The following CACNA2D3 variants were observed in gnomAD, a reference collection of about 807,000 sequenced individuals.
The protein encoded by CACNA2D3 is voltage-dependent calcium channel subunit alpha-2/delta-3.
Under a neutral mutation model 160.6 loss-of-function variants are expected in CACNA2D3, and 60 were observed. That is an observed-to-expected ratio of 0.37 (90% CI 0.30 to 0.46). The LOEUF (loss-of-function observed/expected upper bound fraction) is 0.46. CACNA2D3 is among the 20% of genes least tolerant of loss of function. The probability of loss-of-function intolerance (pLI) is 1.00; values close to 1 mark genes in which losing one functional copy is unlikely to be tolerated. For missense variants in CACNA2D3, 1,205 were observed against 1,365.0 expected, an observed-to-expected ratio of 0.88 and a Z score of 1.85; for synonymous variants, 558 against 492.9, an observed-to-expected ratio of 1.13 and a Z score of -1.75.
At chr3:54,404,688 A>G (rs778736437) in intron 4 of CACNA2D3, among the ~76,000 whole-genome samples, 12 of 152,124 alleles carry the variant, frequency 7.9e-5, no homozygotes, top group Non-Finnish European at 1.8e-4. Context: ...AAGAAGTAAA[A>G]TTATCACGAA....
At chr3:54,380,736 A>G (rs1053106382) in intron 3 of CACNA2D3, among the ~76,000 whole-genome samples, 3 of 152,116 alleles carry the variant, frequency 2.0e-5, no homozygotes, top group African/African-American at 7.2e-5. Flanking sequence ...CAAAAAACAA[A>G]AAAACAAAAA....
chr3:54,162,752 A>G (rs1207771086), intron 2 of CACNA2D3, among the ~76,000 whole-genome samples: 2 of 152,238 alleles, frequency 1.3e-5, no homozygotes, highest in Non-Finnish European at 2.9e-5. Context: ...ATCACTCAAC[A>G]GGTATCTATT....
chr3:54,803,461 T>C (rs531698439), intron 13 of CACNA2D3, among the ~76,000 whole-genome samples: 166 of 151,986 alleles, frequency 1.1e-3, no homozygotes, highest in African/African-American at 3.5e-3. Flanking sequence ...AGGGTATCAG[T>C]GATGGAAGAT....
rs149123015 is a variant in CACNA2D3 at position 55,006,696 on chromosome 3, A to ATTG, written c.2767-1073_2767-1071dup. 5.1e-3 allele frequency among the ~76,000 whole-genome samples: 779 copies of ATTG among 151,894 alleles called. 3 individuals are homozygous for ATTG. Among genetic ancestry groups the ATTG allele is most frequent in the African/African-American group, 0.014 (598 of 41,428 alleles). On this transcript the variant is annotated intron_variant, in intron 32 of 37. Transcript: ENST00000474759. Reference sequence around the variant, plus strand: ...TGGGTGGGCTGGGAAGAGCCTCAGCATTGTTGTTGTTGTTGTTGTTGTTCT... The same window carrying ATTG: ...TGGGTGGGCTGGGAAGAGCCTCAGCATTGTTGTTGTTGTTGTTGTTGTTGTTCT...
At chr3:54,592,166 A>G (rs538233155) in intron 9 of CACNA2D3, among the ~76,000 whole-genome samples, 1 of 152,324 alleles carries the variant, frequency 6.6e-6, no homozygotes, top group Admixed American at 6.5e-5. Flanking sequence ...GATCATTTAA[A>G]TTATAACAGC....
intron 27 of CACNA2D3, among the ~76,000 whole-genome samples, chr3:54,962,641 G>C (rs768025042): frequency 6.6e-6 from 1 of 152,234 alleles, no homozygotes; most frequent in Admixed American, 6.5e-5. Flanking sequence ...AGGGTACACA[G>C]CAGTGGTCTT....
chr3:54,876,648 G>T (rs115960979), intron 18 of CACNA2D3, among the ~76,000 whole-genome samples: 1,644 of 152,334 alleles, frequency 0.011, 29 homozygotes, highest in African/African-American at 0.036. Context: ...AAGAGCATGG[G>T]CTCAAGAGGC....
At chr3:54,591,713 C>T (rs1702864247) in intron 9 of CACNA2D3, among the ~76,000 whole-genome samples, 1 of 151,992 alleles carries the variant, frequency 6.6e-6, no homozygotes, top group Non-Finnish European at 1.5e-5. Context: ...TGGCAGTTCT[C>T]ACTGTCTCAT....
At chr3:54,360,118 A>G (rs987361228) in intron 3 of CACNA2D3, among the ~76,000 whole-genome samples, 9 of 152,286 alleles carry the variant, frequency 5.9e-5, no homozygotes, top group Non-Finnish European at 1.2e-4. Flanking sequence ...AATAATGTTT[A>G]TTGGAACGCA....
intron 9 of CACNA2D3, among the ~76,000 whole-genome samples, chr3:54,592,401 T>C (rs1702878471): frequency 6.6e-6 from 1 of 152,200 alleles, no homozygotes; most frequent in Admixed American, 6.5e-5. Flanking sequence ...AAAGCTATTG[T>C]TTACTGTCTG....
intron 2 of CACNA2D3, among the ~76,000 whole-genome samples, chr3:54,193,892 G>A (rs1701025891): frequency 6.6e-6 from 1 of 152,202 alleles, no homozygotes; most frequent in Non-Finnish European, 1.5e-5. Flanking sequence ...CTGCAAAATG[G>A]GAAGAACACT....
intron 14 of CACNA2D3, among the ~76,000 whole-genome samples, chr3:54,834,140 A>G (rs1048585982): frequency 1.3e-5 from 2 of 152,232 alleles, no homozygotes; most frequent in African/African-American, 4.8e-5. Flanking sequence ...TTAGTTTCTC[A>G]TAATCTTGTC....
At chr3:55,057,712 A>G (rs1424339904) in intron 35 of CACNA2D3, among the ~76,000 whole-genome samples, 1 of 152,184 alleles carries the variant, frequency 6.6e-6, no homozygotes, top group Non-Finnish European at 1.5e-5. Flanking sequence ...AAGTCCATTA[A>G]CTTCTGAACC....
intron 26 of CACNA2D3, among the ~76,000 whole-genome samples, 183 bp from the exon 27 acceptor site, chr3:54,899,605 G>A (rs1700279484): frequency 1.3e-5 from 2 of 152,162 alleles, no homozygotes; most frequent in South Asian, 2.1e-4. Context: ...GGGAGGACTC[G>A]CAGCACTGCA....
At chr3:55,011,224 G>A (rs546394947) in intron 34 of CACNA2D3, among the ~76,000 whole-genome samples, 1 of 152,314 alleles carries the variant, frequency 6.6e-6, no homozygotes, top group South Asian at 2.1e-4. Flanking sequence ...CTGGGAGGCT[G>A]ACAGCCCAGT....
At chr3:54,992,271 C>T (rs561351080) in intron 31 of CACNA2D3, among the ~76,000 whole-genome samples, 4 of 152,296 alleles carry the variant, frequency 2.6e-5, no homozygotes, top group Admixed American at 6.5e-5. Context: ...GTCACCTGAT[C>T]TTTGCAGCAA....
chr3:54,663,753 A>T (rs946212118), intron 11 of CACNA2D3, among the ~76,000 whole-genome samples: 5 of 152,122 alleles, frequency 3.3e-5, no homozygotes, highest in Admixed American at 1.3e-4. Context: ...CTTCCTTGCC[A>T]TGTGCACACC....
intron 4 of CACNA2D3, among the ~76,000 whole-genome samples, chr3:54,406,702 CA>C: frequency 6.6e-6 from 1 of 151,664 alleles, no homozygotes; most frequent in East Asian, 1.9e-4. Context: ...TCAAAGAATA[CA>C]AAATAGCAAA....
At chr3:54,579,497 G>T (rs1281876072) in intron 8 of CACNA2D3, among the ~76,000 whole-genome samples, 1 of 152,170 alleles carries the variant, frequency 6.6e-6, no homozygotes, top group East Asian at 1.9e-4. Flanking sequence ...CATTGAAACT[G>T]CCCATCAAAC....
Sources: allele counts gnomAD v4.1 joint callset (sites outside exome capture counted in the v4.1 genomes callset), GRCh38; gene constraint gnomAD v4.1.1; transcripts MANE v1.5; gene names NCBI Gene and HGNC (gene_info 2026-07-23, HGNC 2026-07-21).